MS4A6A: variants seen among roughly 807,000 people sequenced by gnomAD.
The protein encoded by MS4A6A is membrane-spanning 4-domains subfamily A member 6A.
Under a neutral mutation model 20.6 loss-of-function variants are expected in MS4A6A, and 19 were observed. The ratio of observed to expected loss-of-function variants is 0.92; its 90% CI spans 0.64 to 1.36. The LOEUF (loss-of-function observed/expected upper bound fraction) is 1.36. Ranked by LOEUF, MS4A6A falls within the 40% of genes most tolerant of loss-of-function variation. MS4A6A has a pLI of 0.00. For missense variants in MS4A6A, 272 were observed against 261.1 expected (o/e 1.04, Z -0.29); for synonymous variants, 108 against 105.0 (o/e 1.03, Z -0.17).
chr11:60,177,815 T>G (rs1454473713), intron 4 of MS4A6A, among the ~76,000 whole-genome samples: 3 of 152,266 alleles, frequency 2.0e-5, no homozygotes, highest in Admixed American at 6.5e-5. Context: ...CCTCTGTGTC[T>G]ACTTTGGATA....
chr11:60,172,567 T>G lies in MS4A6A; in HGVS notation c.*434A>C, dbSNP rs1247579954. On this transcript the variant is annotated 3_prime_UTR_variant, in exon 6 of 6. Coordinates refer to ENST00000528851, the MANE Select transcript of MS4A6A (RefSeq NM_022349.4). ...GAATTTTAAGATCACCAGGGGCAAA[T>G]GCAGAGCATAAGACATTCACTGGAT... 1 of 1,125,342 alleles carries G rather than the reference T, an allele frequency of 8.9e-7. No homozygotes were observed. The highest frequency in any genetic ancestry group is 1.1e-6 in the Non-Finnish European group (1 of 916,848). 69.7% of individuals were successfully genotyped at this position (1,125,342 alleles called of 1,614,324 possible).
Position 60,172,804 on chromosome 11 carries a change from T to A in MS4A6A, c.*197A>T. On this transcript the variant is annotated 3_prime_UTR_variant, in exon 6 of 6. Coordinates refer to ENST00000528851, the MANE Select transcript of MS4A6A (RefSeq NM_022349.4). ...AAAATAGGAAGATTGAATCAGTTGA[T>A]TTCTCATGATTAACTATTTTCATAT... is the stretch of plus-strand genomic sequence containing the variant. The A allele has an allele frequency of 7.3e-7, 1 of 1,364,212 alleles. No individual in the cohort carries two copies. Among genetic ancestry groups the A allele is most frequent in the Non-Finnish European group, 9.5e-7 (1 of 1,053,552 alleles). The allele number at this position is 1,364,212 out of a possible 1,614,324, so 84.5% of individuals were successfully genotyped here.
intron 3 of MS4A6A, 127 bp from the exon 4 acceptor site, chr11:60,178,443 T>A (rs549780730): frequency 4.3e-6 from 3 of 692,264 alleles, no homozygotes; most frequent in Admixed American, 5.6e-5. Context: ...ATGAGGTAAG[T>A]TCCATTTAAA....
intron 1 of MS4A6A, 74 bp downstream of exon 1, chr11:60,182,904 A>G: frequency 1.1e-6 from 1 of 887,542 alleles, no homozygotes; most frequent in Non-Finnish European, 1.5e-6. Flanking sequence ...AAGGAGTTTC[A>G]AGTTAAATTA....
chr11:60,172,178 C>T, downstream of MS4A6A: 1 of 1,612,742 alleles, frequency 6.2e-7, no homozygotes, highest in South Asian at 1.1e-5. Context: ...AATAGTTCTT[C>T]ATATCCACAG....
In MS4A6A at chr11:60,179,978, A is replaced by G. The variant is rs774194882; in HGVS notation, c.148-13T>C. On this transcript the variant is annotated splice_polypyrimidine_tract_variant and intron_variant, in intron 2 of 5. Coordinates refer to ENST00000528851, the MANE Select transcript of MS4A6A (RefSeq NM_022349.4). The stretch of plus-strand genomic sequence containing the variant: ...AGATCTGGATAGTCTGTGGGAAGAG[A>G]AAGTGAGATTGAGGATGAAAACCAG... 6.2e-7 allele frequency: 1 copy of G among 1,610,202 alleles called. No homozygotes were observed. The highest frequency in any genetic ancestry group is 8.5e-7 in the Non-Finnish European group (1 of 1,177,892).
At position 60,175,399 on chromosome 11, in the gene MS4A6A, T is replaced by TA. The variant is rs1856780278; in HGVS notation, c.549+2dup. The TA allele has an allele frequency of 5.0e-6, 8 of 1,609,994 alleles. No homozygotes were observed. The highest frequency in any genetic ancestry group is 1.1e-5 in the South Asian group (1 of 90,898). The stretch of plus-strand genomic sequence containing the variant: ...TTAGAACATCCCATCTAAAAATACT[T>TA]ACAGCCAGACTGGCTTTGGCTGTAT... On this transcript the variant is annotated splice_region_variant and intron_variant, in intron 5 of 5. Transcript: ENST00000528851.
intron 2 of MS4A6A, 78 bp from the exon 3 acceptor site, chr11:60,180,043 C>T (rs1565103538): frequency 1.4e-6 from 2 of 1,393,812 alleles, no homozygotes; most frequent in Non-Finnish European, 2.0e-6. Context: ...TCCCATGGCA[C>T]TAATGCATTA....
At chr11:60,180,135 T>C in intron 2 of MS4A6A, 170 bp from the exon 3 acceptor site, 1 of 665,354 alleles carries the variant, frequency 1.5e-6, no homozygotes, top group South Asian at 2.0e-5. Context: ...TCCTGGAGGG[T>C]GTGCAGCTCT....
At chr11:60,172,122 G>A (rs1856608531), downstream of MS4A6A, 1 of 1,586,110 alleles carries the variant, frequency 6.3e-7, no homozygotes, top group Non-Finnish European at 8.6e-7. Flanking sequence ...ATTATCATAA[G>A]AATCAACTTT....
At chr11:60,172,188 G>A (rs760776262), downstream of MS4A6A, 2 of 1,613,118 alleles carry the variant, frequency 1.2e-6, no homozygotes, top group Non-Finnish European at 1.7e-6. Flanking sequence ...CATATCCACA[G>A]TCATGAGTCA....
upstream of MS4A6A, chr11:60,183,241 G>T: frequency 6.8e-7 from 1 of 1,471,302 alleles, no homozygotes; most frequent in African/African-American, 1.4e-5. Context: ...GAGTTCAGGA[G>T]TCATGGAGCC....
At chr11:60,173,245 G>C (rs1263571063) in intron 5 of MS4A6A, 116 bp from the exon 6 acceptor site, 2 of 870,238 alleles carry the variant, frequency 2.3e-6, no homozygotes, top group Non-Finnish European at 3.7e-6. Flanking sequence ...ATGAAGAAAG[G>C]ACACCATCAG....
Position 60,174,409 on chromosome 11 carries a change from C to T in MS4A6A, c.549+993G>A, listed in dbSNP as rs576515024. Reference sequence around the variant, plus strand: ...CGTGATCTCAGCTCACTGCAACCTCCGCCACCTCCCAGGCTCAGGTAATTC... The same window carrying T: ...CGTGATCTCAGCTCACTGCAACCTCTGCCACCTCCCAGGCTCAGGTAATTC... On this transcript the variant is annotated intron_variant, in intron 5 of 5. Transcript: ENST00000528851. 1.2e-4 allele frequency among the ~76,000 whole-genome samples: 18 copies of T among 151,848 alleles called. No homozygotes were observed. The South Asian group carries it at 1.3e-3, about 11-fold the overall frequency.
intron 5 of MS4A6A, among the ~76,000 whole-genome samples, chr11:60,174,415 C>T (rs1211995421): frequency 1.3e-5 from 2 of 151,910 alleles, no homozygotes; most frequent in African/African-American, 4.8e-5. Flanking sequence ...CCTCCGCCAC[C>T]TCCCAGGCTC....
At chr11:60,181,915 T>G (rs903708340) in intron 1 of MS4A6A, among the ~76,000 whole-genome samples, 174 bp from the exon 2 acceptor site, 2 of 152,212 alleles carry the variant, frequency 1.3e-5, no homozygotes, top group Non-Finnish European at 2.9e-5. Flanking sequence ...ATGAGGATTT[T>G]TCCATAATGT....
At chr11:60,181,513 C>G in intron 2 of MS4A6A, 68 bp downstream of exon 2, 1 of 1,585,324 alleles carries the variant, frequency 6.3e-7, no homozygotes, top group Non-Finnish European at 8.6e-7. Flanking sequence ...GATGTCCAGT[C>G]CCAAGACATA....
Position 60,172,747 on chromosome 11 carries a change from T to G in MS4A6A, c.*254A>C, listed in dbSNP as rs1357218047. On this transcript the variant is annotated 3_prime_UTR_variant, in exon 6 of 6. Transcript: ENST00000528851. ...ATAGCATAATGCCAGGCCAGTCATTTAACTTCCCAGAGTCTCATTCCCTTC... is the reference window on the plus strand; with the variant it reads ...ATAGCATAATGCCAGGCCAGTCATTGAACTTCCCAGAGTCTCATTCCCTTC... 5 of 1,264,792 alleles carry G rather than the reference T, an allele frequency of 4.0e-6. No individual in the cohort carries two copies. 78.3% of individuals were successfully genotyped at this position (1,264,792 alleles called of 1,614,324 possible). A position where few individuals can be genotyped will look rare whatever the true frequency, so the allele number is the denominator to read the frequency against.
At chr11:60,183,770 T>A (rs1319685090), upstream of MS4A6A, 1 of 152,434 alleles carries the variant, frequency 6.6e-6, no homozygotes, top group South Asian at 2.1e-4. Flanking sequence ...TAACAACAGA[T>A]CTTTGCCCTC....
Sources: allele counts gnomAD v4.1 joint callset (sites outside exome capture counted in the v4.1 genomes callset), GRCh38; gene constraint gnomAD v4.1.1; transcripts MANE v1.5; gene names NCBI Gene and HGNC (gene_info 2026-07-23, HGNC 2026-07-21).